Variants in IL1R1 observed in about 807,000 individuals in gnomAD.
The protein encoded by IL1R1 is interleukin 1 receptor type 1.
A neutral mutation model predicts 50.2 loss-of-function variants in IL1R1; 22 were observed. The ratio of observed to expected loss-of-function variants is 0.44; its 90% CI spans 0.31 to 0.63. IL1R1 has a LOEUF of 0.63. IL1R1 is among the 20% of genes least tolerant of loss of function. IL1R1 has a pLI of 0.07. For synonymous variants in IL1R1, 251 were observed against 236.7 expected, an observed-to-expected ratio of 1.06 and a Z score of -0.55; for missense variants, 509 against 676.2, an observed-to-expected ratio of 0.75 and a Z score of 2.74.
At chr2:102,108,888 C>T (rs1451882164) in intron 1 of IL1R1, among the ~76,000 whole-genome samples, 1 of 151,204 alleles carries the variant, frequency 6.6e-6, no homozygotes, top group Non-Finnish European at 1.5e-5. Context: ...CAGCTCAGTG[C>T]TGGGCTGCAA....
At chr2:102,087,312 A>G (rs1014114342) in intron 1 of IL1R1, among the ~76,000 whole-genome samples, 2 of 152,186 alleles carry the variant, frequency 1.3e-5, no homozygotes, top group African/African-American at 2.4e-5. Flanking sequence ...AAAATAAGAC[A>G]ACAATTAACC....
chr2:102,102,361 G>T (rs1680179289), upstream of IL1R1, among the ~76,000 whole-genome samples: 1 of 152,192 alleles, frequency 6.6e-6, no homozygotes, highest in Admixed American at 6.5e-5. Context: ...GACTAAGGGA[G>T]CTTGGGGAAA....
intron 3 of IL1R1, 44 bp downstream of exon 3, chr2:102,157,829 T>C: frequency 7.7e-7 from 1 of 1,301,656 alleles, no homozygotes; most frequent in Non-Finnish European, 1.1e-6. Flanking sequence ...TAAGAAAATC[T>C]GTTATTTAGA....
chr2:102,085,360 A>T (rs1679389083), intron 1 of IL1R1, among the ~76,000 whole-genome samples: 1 of 152,196 alleles, frequency 6.6e-6, no homozygotes, highest in Non-Finnish European at 1.5e-5. Context: ...TCACATTCAG[A>T]TCTGCAGACC....
At chr2:102,175,455 A>G in intron 10 of IL1R1, 23 bp from the exon 11 acceptor site, 1 of 1,599,682 alleles carries the variant, frequency 6.3e-7, no homozygotes. Context: ...TGTGGTTCTA[A>G]ATACATTATG....
At chr2:102,115,699 G>A (rs1577880823) in intron 1 of IL1R1, among the ~76,000 whole-genome samples, 1 of 152,094 alleles carries the variant, frequency 6.6e-6, no homozygotes, top group African/African-American at 2.4e-5. Context: ...CCTTGGAGGG[G>A]GGAGAAGGCG....
chr2:102,115,276 C>A (rs993559191), intron 1 of IL1R1, among the ~76,000 whole-genome samples: 1 of 152,136 alleles, frequency 6.6e-6, no homozygotes, highest in African/African-American at 2.4e-5. Flanking sequence ...CTGGTTAGAC[C>A]AAGCCTGTCC....
intron 9 of IL1R1, among the ~76,000 whole-genome samples, chr2:102,173,043 C>G (rs1465509839): frequency 6.6e-6 from 1 of 152,164 alleles, no homozygotes; most frequent in African/African-American, 2.4e-5. Flanking sequence ...ACCCAGCTCT[C>G]GGCCCAAAGA....
intron 1 of IL1R1, among the ~76,000 whole-genome samples, chr2:102,150,565 C>T (rs571607153): frequency 5.1e-4 from 77 of 152,280 alleles, no homozygotes; most frequent in African/African-American, 4.1e-4. Flanking sequence ...CGTTGTGATA[C>T]GCCAGTGTTA....
chr2:102,095,204 A>G (rs1407198839), intron 1 of IL1R1, among the ~76,000 whole-genome samples: 1 of 152,192 alleles, frequency 6.6e-6, no homozygotes, highest in Admixed American at 6.5e-5. Flanking sequence ...GCAAGTCATG[A>G]TGGTGCCCTG....
At chr2:102,133,329 A>C (rs1682150868) in intron 1 of IL1R1, among the ~76,000 whole-genome samples, 1 of 152,202 alleles carries the variant, frequency 6.6e-6, no homozygotes, top group Admixed American at 6.5e-5. Context: ...CATTTAAAGA[A>C]AATATAATAG....
chr2:102,175,043 A>C (rs1365047998), intron 10 of IL1R1, among the ~76,000 whole-genome samples: 1 of 152,084 alleles, frequency 6.6e-6, no homozygotes, highest in African/African-American at 2.4e-5. Context: ...GACAGAGATC[A>C]TACCTTAATG....
chr2:102,143,415 G>C (rs1249122623), intron 1 of IL1R1, among the ~76,000 whole-genome samples: 1 of 152,196 alleles, frequency 6.6e-6, no homozygotes, highest in East Asian at 1.9e-4. Context: ...AACCACACTG[G>C]GGAGGGTAAC....
chr2:102,174,474 G>A, intron 9 of IL1R1, 113 bp from the exon 10 acceptor site: 3 of 673,268 alleles, frequency 4.5e-6, no homozygotes, highest in Admixed American at 3.4e-5. Flanking sequence ...CTGAATGCAG[G>A]CCATTCCCAG....
At chr2:102,153,772 G>A (rs1683913676) in intron 1 of IL1R1, among the ~76,000 whole-genome samples, 169 bp from the exon 2 acceptor site, 1 of 152,146 alleles carries the variant, frequency 6.6e-6, no homozygotes, top group Non-Finnish European at 1.5e-5. Flanking sequence ...CCAGCCATGC[G>A]GAGCTGTAAG....
chr2:102,116,449 G>A (rs1329468848), intron 1 of IL1R1, among the ~76,000 whole-genome samples: 2 of 152,208 alleles, frequency 1.3e-5, no homozygotes, highest in Non-Finnish European at 2.9e-5. Context: ...AAGGGGAAGT[G>A]AGATTTTGGC....
At chr2:102,134,691 T>G (rs1682244645) in intron 1 of IL1R1, among the ~76,000 whole-genome samples, 1 of 152,190 alleles carries the variant, frequency 6.6e-6, no homozygotes, top group African/African-American at 2.4e-5. Flanking sequence ...ATCACTACTT[T>G]CAAGAAGATA....
At chr2:102,114,763 A>G (rs1349253954) in intron 1 of IL1R1, among the ~76,000 whole-genome samples, 1 of 152,096 alleles carries the variant, frequency 6.6e-6, no homozygotes, top group Non-Finnish European at 1.5e-5. Context: ...AATATGACAT[A>G]TATCTATAGA....
At chr2:102,161,262 T>C (rs1233365136) in intron 3 of IL1R1, among the ~76,000 whole-genome samples, 2 of 152,218 alleles carry the variant, frequency 1.3e-5, no homozygotes, top group South Asian at 2.1e-4. Context: ...CTATTATTGA[T>C]TTCTAATCTA....
Sources: allele counts gnomAD v4.1 joint callset (sites outside exome capture counted in the v4.1 genomes callset), GRCh38; gene constraint gnomAD v4.1.1; transcripts MANE v1.5; gene names NCBI Gene and HGNC (gene_info 2026-07-23, HGNC 2026-07-21).